Variants in PRDM11 observed in about 807,000 individuals in gnomAD.
The protein encoded by PRDM11 is PR/SET domain 11, also known as PR domain-containing protein 11.
A neutral mutation model predicts 97.8 loss-of-function variants in PRDM11; 20 were observed. That is an observed-to-expected ratio of 0.20 (90% CI 0.14 to 0.30). The LOEUF (loss-of-function observed/expected upper bound fraction) is 0.30. Among genes scored for constraint, PRDM11 ranks in the 10% least tolerant of loss-of-function variants. The pLI, the probability that PRDM11 is intolerant of heterozygous loss-of-function variation, is 1.00. For missense variants in PRDM11, 1,139 were observed against 1,555.2 expected (o/e 0.73, Z 4.50); for synonymous variants, 599 against 637.7 (o/e 0.94, Z 0.91).
chr11:45,095,512 G>A (rs1036954437), upstream of PRDM11, among the ~76,000 whole-genome samples: 14 of 152,184 alleles, frequency 9.2e-5, no homozygotes, highest in Non-Finnish European at 1.2e-4. Flanking sequence ...ATGGCCAGCC[G>A]TCTCTCATCA....
At chr11:45,139,444 C>T (rs149837041) in intron 1 of PRDM11, among the ~76,000 whole-genome samples, 26 of 151,832 alleles carry the variant, frequency 1.7e-4, no homozygotes, top group African/African-American at 4.8e-4. Context: ...GCAGGCTTCT[C>T]TAATCCCAGC....
Position 45,111,353 on chromosome 11 carries a change from C to T in PRDM11, c.96+15452C>T, listed in dbSNP as rs1334319536. Among the ~76,000 whole-genome samples the T allele has an allele frequency of 3.6e-5, 2 of 54,972 alleles. 1 individual carries two copies. The highest frequency in any genetic ancestry group is 1.6e-4 in the Non-Finnish European group (2 of 12,144). The allele number at this position is 54,972 out of a possible 152,430, so 36.1% of individuals were successfully genotyped here. A position where few individuals can be genotyped will look rare whatever the true frequency, so the allele number is the denominator to read the frequency against. Reference sequence around the variant, plus strand: ...CCCTCTATGCCAAACGGCATTCCACCCAACATTGCTTCGGACCAACGAACC... The same window carrying T: ...CCCTCTATGCCAAACGGCATTCCACTCAACATTGCTTCGGACCAACGAACC... On this transcript the variant is annotated intron_variant, in intron 1 of 6. Transcript: ENST00000530656.
chr11:45,198,835 C>T (rs150774327), intron 4 of PRDM11, among the ~76,000 whole-genome samples: 2 of 152,272 alleles, frequency 1.3e-5, no homozygotes, highest in East Asian at 3.9e-4. Context: ...CATTGCTCTA[C>T]AAAGTGGTTA....
rs190265704 is a variant in PRDM11 at position 45,210,551 on chromosome 11, C to T, written c.554+5773C>T. Among the ~76,000 whole-genome samples the T allele has an allele frequency of 3.1e-3, 478 of 152,314 alleles. 7 individuals are homozygous for T. Among genetic ancestry groups the T allele is most frequent in the African/African-American group, 0.011 (465 of 41,572 alleles). On this transcript the variant is annotated intron_variant, in intron 5 of 7. Coordinates refer to ENST00000683152, the MANE Select transcript of PRDM11 (RefSeq NM_001384648.1). Reference sequence around the variant, plus strand: ...TGGTGGGAGCCAGGCAGGAGGGGCCCCAGGGAAGCAGCCGTGGCTCAGCCC... The same window carrying T: ...TGGTGGGAGCCAGGCAGGAGGGGCCTCAGGGAAGCAGCCGTGGCTCAGCCC...
At chr11:45,209,318 G>A (rs1377120694) in intron 5 of PRDM11, 1 of 330,218 alleles carries the variant, frequency 3.0e-6, no homozygotes, top group South Asian at 2.1e-5. Context: ...AGTCCCCCCC[G>A]CCACCCAGCC....
chr11:45,104,326 G>A (rs1211235836), intron 1 of PRDM11, among the ~76,000 whole-genome samples: 2 of 152,236 alleles, frequency 1.3e-5, no homozygotes, highest in Non-Finnish European at 2.9e-5. Flanking sequence ...AGGGCACAGG[G>A]CTGGACAGGC....
intron 1 of PRDM11, among the ~76,000 whole-genome samples, chr11:45,157,614 G>A (rs1251059418): frequency 1.3e-5 from 2 of 152,252 alleles, no homozygotes; most frequent in Non-Finnish European, 2.9e-5. Flanking sequence ...CCTCGATTGT[G>A]TCTTGTGGAG....
intron 4 of PRDM11, among the ~76,000 whole-genome samples, chr11:45,203,320 T>C (rs1357904258): frequency 6.6e-6 from 1 of 151,182 alleles, no homozygotes; most frequent in Non-Finnish European, 1.5e-5. Context: ...AGAAGGAACA[T>C]GTCACTATGA....
chr11:45,212,338 G>C, intron 5 of PRDM11: 3 of 326,686 alleles, frequency 9.2e-6, no homozygotes, highest in South Asian at 7.1e-5. Context: ...CTATGGGCGG[G>C]GGCCAAACTA....
At chr11:45,117,196 T>C (rs1310404396) in intron 1 of PRDM11, among the ~76,000 whole-genome samples, 1 of 122,374 alleles carries the variant, frequency 8.2e-6, no homozygotes, top group Admixed American at 1.1e-4. Flanking sequence ...CACTCCAGCC[T>C]GGGCAACAGA....
intron 5 of PRDM11, among the ~76,000 whole-genome samples, chr11:45,208,709 C>A (rs910773778): frequency 1.3e-5 from 2 of 152,124 alleles, no homozygotes; most frequent in African/African-American, 2.4e-5. Flanking sequence ...CCCTCCCCTC[C>A]GAGGAGTAGT....
intron 1 of PRDM11, among the ~76,000 whole-genome samples, chr11:45,114,130 TG>T (rs1201739478): frequency 1.3e-5 from 2 of 152,106 alleles, no homozygotes; most frequent in African/African-American, 4.8e-5. Context: ...ATGTCAAAGA[TG>T]TTAGAATTAG....
At chr11:45,213,298 C>T (rs1853835925) in intron 5 of PRDM11, 1 of 456,512 alleles carries the variant, frequency 2.2e-6, no homozygotes, top group South Asian at 1.5e-5. Context: ...GCCTGGAGAT[C>T]GTTCTCCTCT....
At chr11:45,191,327 G>A (rs1224340131) in intron 4 of PRDM11, among the ~76,000 whole-genome samples, 3 of 151,914 alleles carry the variant, frequency 2.0e-5, no homozygotes, top group East Asian at 3.9e-4. Flanking sequence ...TTTACTCAAT[G>A]GTTTTAACAA....
At chr11:45,147,933 A>C (rs1377629300) in intron 1 of PRDM11, among the ~76,000 whole-genome samples, 4 of 152,166 alleles carry the variant, frequency 2.6e-5, no homozygotes, top group Non-Finnish European at 5.9e-5. Context: ...TGGTACCTGG[A>C]AACCCTATAA....
intron 1 of PRDM11, among the ~76,000 whole-genome samples, chr11:45,138,638 T>G (rs571075867): frequency 1.3e-5 from 2 of 152,300 alleles, no homozygotes; most frequent in African/African-American, 4.8e-5. Context: ...GATTATTCTA[T>G]AATTGGTGTT....
At chr11:45,106,977 G>A (rs1476871053) in intron 1 of PRDM11, among the ~76,000 whole-genome samples, 1 of 152,242 alleles carries the variant, frequency 6.6e-6, no homozygotes, top group African/African-American at 2.4e-5. Context: ...TCCAGGCTTT[G>A]TGGGGAGGAG....
chr11:45,127,126 C>A (rs1166583429), intron 1 of PRDM11, among the ~76,000 whole-genome samples: 2 of 152,260 alleles, frequency 1.3e-5, no homozygotes, highest in Non-Finnish European at 2.9e-5. Flanking sequence ...CAGTTAATCA[C>A]GTCAGCTCCT....
chr11:45,145,351 C>T (rs903612374), upstream of PRDM11, among the ~76,000 whole-genome samples: 17 of 152,206 alleles, frequency 1.1e-4, no homozygotes, highest in African/African-American at 4.1e-4. Context: ...TCCCTCATCA[C>T]CCCCACCGCC....
Sources: gnomAD v4.1 joint callset for allele counts (sites outside exome capture counted in the v4.1 genomes callset) on GRCh38, gnomAD v4.1.1 for gene constraint, MANE v1.5 for transcripts, NCBI Gene and HGNC (gene_info 2026-07-23, HGNC 2026-07-21) for gene names.